The following CSMD1 variants were observed in gnomAD, a reference collection of about 807,000 sequenced individuals.
CSMD1 encodes CUB and sushi domain-containing protein 1.
CSMD1 carries 213 observed loss-of-function variants against 417.5 expected under a neutral mutation model. That is an observed-to-expected ratio of 0.51 (90% CI 0.46 to 0.57). CSMD1 has a LOEUF of 0.57. Among genes scored for constraint, CSMD1 ranks in the 20% least tolerant of loss-of-function variants. The probability of loss-of-function intolerance (pLI) is 0.00; values close to 1 mark genes in which losing one functional copy is unlikely to be tolerated. For missense variants in CSMD1, 6,923 were observed against 4,529.7 expected (o/e 1.53, Z -15.17); for synonymous variants, 2,862 against 1,736.8 (o/e 1.65, Z -16.11).
At chr8:4,173,991 T>C (rs1482042584) in intron 3 of CSMD1, among the ~76,000 whole-genome samples, 1 of 152,158 alleles carries the variant, frequency 6.6e-6, no homozygotes, top group African/African-American at 2.4e-5. Flanking sequence ...GCAAAGGATA[T>C]GTGACCATGC....
intron 3 of CSMD1, among the ~76,000 whole-genome samples, chr8:4,190,173 G>A (rs1055882783): frequency 1.3e-5 from 2 of 150,698 alleles, no homozygotes; most frequent in Non-Finnish European, 3.0e-5. Flanking sequence ...GCAAGAGAAT[G>A]GCGTGAACCT....
chr8:3,885,214 T>C (rs1806477193), intron 5 of CSMD1, among the ~76,000 whole-genome samples: 1 of 151,932 alleles, frequency 6.6e-6, no homozygotes, highest in Admixed American at 6.6e-5. Context: ...GAAGATCCCT[T>C]ATGGGAGACT....
intron 1 of CSMD1, among the ~76,000 whole-genome samples, chr8:4,893,178 T>C (rs1387251383): frequency 6.6e-6 from 1 of 152,182 alleles, no homozygotes; most frequent in African/African-American, 2.4e-5. Flanking sequence ...TCTGTGATTT[T>C]CATCAGCTTT....
At position 3,406,007 on chromosome 8, in the gene CSMD1, G is replaced by C. The variant is rs756914717; in HGVS notation, c.2266+20C>G. The C allele has an allele frequency of 2.5e-6, 4 of 1,608,492 alleles. No homozygotes were observed. Among genetic ancestry groups the C allele is most frequent in the Middle Eastern group, 1.7e-4 (1 of 5,900 alleles). On this transcript the variant is annotated intron_variant, in intron 15 of 69. Coordinates refer to ENST00000635120, the MANE Select transcript of CSMD1 (RefSeq NM_033225.6). The stretch of plus-strand genomic sequence containing the variant: ...TGTGTGATTTCAAAGGAGAAGAGCG[G>C]GGGGTGGCAGGGACTGCACCTTCAC...
intron 10 of CSMD1, among the ~76,000 whole-genome samples, chr8:3,543,097 A>G (rs1015802649): frequency 2.6e-5 from 4 of 152,206 alleles, no homozygotes; most frequent in Non-Finnish European, 5.9e-5. Flanking sequence ...TGCTTCATGC[A>G]TCGTGAGCAA....
chr8:2,990,904 GGAAGCGCA>G (rs1415876732), intron 54 of CSMD1, among the ~76,000 whole-genome samples: 1 of 152,170 alleles, frequency 6.6e-6, no homozygotes, highest in Admixed American at 6.5e-5. Flanking sequence ...ATCATCCCAG[GGAAGCGCA>G]GAACTGCTCT....
intron 50 of CSMD1, among the ~76,000 whole-genome samples, chr8:3,044,235 G>C (rs753198954): frequency 6.6e-6 from 1 of 152,188 alleles, no homozygotes; most frequent in Non-Finnish European, 1.5e-5. Flanking sequence ...TGACACTACT[G>C]ATGTGTCAAT....
chr8:3,902,307 C>G (rs913908064), intron 5 of CSMD1, among the ~76,000 whole-genome samples: 1 of 152,164 alleles, frequency 6.6e-6, no homozygotes, highest in East Asian at 1.9e-4. Flanking sequence ...TCCTGTTACT[C>G]CAACTATTAC....
intron 2 of CSMD1, among the ~76,000 whole-genome samples, chr8:4,523,136 G>T (rs1000587958): frequency 3.9e-5 from 6 of 152,072 alleles, no homozygotes; most frequent in Non-Finnish European, 8.8e-5. Flanking sequence ...TACATCCTTT[G>T]GTGCTAATTT....
chr8:3,421,344 G>A (rs896591363), intron 12 of CSMD1, among the ~76,000 whole-genome samples: 3 of 152,166 alleles, frequency 2.0e-5, no homozygotes, highest in Admixed American at 1.3e-4. Context: ...CCACATTCCT[G>A]AGGGAGCCAC....
intron 26 of CSMD1, among the ~76,000 whole-genome samples, chr8:3,242,928 C>G (rs892305243): frequency 6.6e-6 from 1 of 152,016 alleles, no homozygotes; most frequent in Non-Finnish European, 1.5e-5. Context: ...TGGTCAGACA[C>G]CTCTGAAACG....
intron 13 of CSMD1, 28 bp downstream of exon 13, chr8:3,409,395 G>T (rs1374851161): frequency 1.3e-6 from 2 of 1,579,068 alleles, no homozygotes; most frequent in Non-Finnish European, 1.7e-6. Flanking sequence ...AGGACAGGAG[G>T]GAGTCCAGGT....
chr8:4,786,110 A>T (rs955941100), intron 1 of CSMD1, among the ~76,000 whole-genome samples: 3 of 152,128 alleles, frequency 2.0e-5, no homozygotes, highest in Non-Finnish European at 2.9e-5. Flanking sequence ...GACCAAAAAA[A>T]ATAAATATCC....
rs1449706746 is a variant in CSMD1 at position 4,894,063 on chromosome 8, G to A, written c.85+100269C>T. ...TTTGTTTAAGTTGTATTTTCCTAGA[G>A]AATAATGAATTTTAACTAGCTTACC... On this transcript the variant is annotated intron_variant, in intron 1 of 69. Coordinates refer to ENST00000635120, the MANE Select transcript of CSMD1 (RefSeq NM_033225.6). 3.9e-5 allele frequency among the ~76,000 whole-genome samples: 6 copies of A among 152,000 alleles called. No individual in the cohort carries two copies. In the South Asian group the frequency reaches 1.2e-3, roughly 32 times the overall value.
At chr8:4,517,866 G>C (rs1803209546) in intron 2 of CSMD1, among the ~76,000 whole-genome samples, 1 of 152,152 alleles carries the variant, frequency 6.6e-6, no homozygotes, top group South Asian at 2.1e-4. Flanking sequence ...CACGTATTTT[G>C]TAGTTGATAA....
At chr8:2,962,312 G>A (rs1214106161) in intron 61 of CSMD1, among the ~76,000 whole-genome samples, 154 bp downstream of exon 61, 2 of 152,222 alleles carry the variant, frequency 1.3e-5, no homozygotes, top group South Asian at 2.1e-4. Context: ...GCTGATGAGT[G>A]CGCAATCCTA....
chr8:4,275,672 C>A (rs150574219), intron 3 of CSMD1, among the ~76,000 whole-genome samples: 19 of 152,106 alleles, frequency 1.2e-4, no homozygotes, highest in African/African-American at 4.6e-4. Context: ...AAATTGTATA[C>A]GTTTTGCAAA....
At chr8:3,975,971 T>C (rs1813407941) in intron 5 of CSMD1, among the ~76,000 whole-genome samples, 2 of 152,258 alleles carry the variant, frequency 1.3e-5, no homozygotes, top group South Asian at 2.1e-4. Context: ...TTAAAATCAG[T>C]TTTTAATCTA....
At chr8:4,390,566 T>A (rs1401031618) in intron 3 of CSMD1, among the ~76,000 whole-genome samples, 2 of 134,708 alleles carry the variant, frequency 1.5e-5, no homozygotes, top group East Asian at 2.1e-4. Flanking sequence ...CAGGCTGGAG[T>A]GCAGTGGTGC....
Sources: allele counts gnomAD v4.1 joint callset (sites outside exome capture counted in the v4.1 genomes callset), GRCh38; gene constraint gnomAD v4.1.1; transcripts MANE v1.5; gene names NCBI Gene and HGNC (gene_info 2026-07-23, HGNC 2026-07-21).